Variants in DLGAP1 observed in about 807,000 individuals in gnomAD.
The protein encoded by DLGAP1 is disks large-associated protein 1.
Under a neutral mutation model 90.8 loss-of-function variants are expected in DLGAP1, and 11 were observed. That is an observed-to-expected ratio of 0.12 (90% CI 0.08 to 0.20). The LOEUF (loss-of-function observed/expected upper bound fraction) is 0.20, where lower values mean the gene tolerates loss of function less well. Ranked by LOEUF, DLGAP1 falls within the 10% of genes least tolerant of loss-of-function variation. The pLI is 1.00. For missense variants in DLGAP1, 1,050 were observed against 1,333.8 expected (o/e 0.79, Z 3.31); for synonymous variants, 558 against 540.7 (o/e 1.03, Z -0.44).
chr18:3,689,295 CA>C (rs2060812212), intron 7 of DLGAP1, among the ~76,000 whole-genome samples: 1 of 152,142 alleles, frequency 6.6e-6, no homozygotes, highest in Non-Finnish European at 1.5e-5. Context: ...CAAACCTTTT[CA>C]TCAGCTAGAG....
rs149749182 is a variant in DLGAP1, at chr18:3,500,178, A to G, written c.2725-784T>C. On this transcript the variant is annotated intron_variant, in intron 12 of 12. Transcript: ENST00000315677. Reference sequence around the variant, plus strand: ...CCATGAAAAGTTGACACAGGATGAAAGAGGTCATTCCTCTTATCAGCAGCA... The same window carrying G: ...CCATGAAAAGTTGACACAGGATGAAGGAGGTCATTCCTCTTATCAGCAGCA... 1.8e-3 allele frequency among the ~76,000 whole-genome samples: 269 copies of G among 152,308 alleles called. 1 individual carries two copies. The highest frequency in any genetic ancestry group is 6.3e-3 in the African/African-American group (263 of 41,568).
At chr18:4,347,434 A>G (rs976939004) in intron 1 of DLGAP1, among the ~76,000 whole-genome samples, 2 of 152,110 alleles carry the variant, frequency 1.3e-5, no homozygotes, top group African/African-American at 4.8e-5. Context: ...ATGAATATCA[A>G]TGCAAAAGTA....
At chr18:3,828,079 G>A (rs1254819121) in intron 4 of DLGAP1, among the ~76,000 whole-genome samples, 1 of 152,168 alleles carries the variant, frequency 6.6e-6, no homozygotes, top group African/African-American at 2.4e-5. Flanking sequence ...TGTACTGATT[G>A]TAGTCGTGTA....
chr18:3,834,067 G>A (rs1014909339), intron 4 of DLGAP1, among the ~76,000 whole-genome samples: 2 of 152,112 alleles, frequency 1.3e-5, no homozygotes, highest in African/African-American at 4.8e-5. Context: ...AGCACTTTGG[G>A]AGGCCGAGGC....
At chr18:4,412,528 C>T (rs1022211110) in intron 1 of DLGAP1, among the ~76,000 whole-genome samples, 3 of 152,150 alleles carry the variant, frequency 2.0e-5, no homozygotes, top group African/African-American at 7.2e-5. Context: ...GTGGCACCTG[C>T]CCAACATGCA....
At position 3,656,307 on chromosome 18, in the gene DLGAP1, T is replaced by C. The variant is rs1409694916; in HGVS notation, c.1591+72828A>G. Reference sequence around the variant, plus strand: ...ACTAGGTCTCATGGATGTCTTCTTTTCCCCCACTAAAACCATTTGGGGAAA... The same window carrying C: ...ACTAGGTCTCATGGATGTCTTCTTTCCCCCCACTAAAACCATTTGGGGAAA... On this transcript the variant is annotated intron_variant, in intron 7 of 12. Coordinates refer to ENST00000315677, the MANE Select transcript of DLGAP1 (RefSeq NM_004746.4). 7 of 491,350 alleles carry C rather than the reference T, an allele frequency of 1.4e-5. No individual in the cohort carries two copies. In the East Asian group the frequency reaches 2.3e-4, roughly 16 times the overall value. 30.4% of individuals were successfully genotyped at this position (491,350 alleles called of 1,614,324 possible).
At position 4,099,290 on chromosome 18, in the gene DLGAP1, G is replaced by A. The variant is rs12965145; in HGVS notation, c.-159+51890C>T. On this transcript the variant is annotated intron_variant, in intron 2 of 12. Transcript: ENST00000315677. ...TGTCTGTCTATCTATCTATCTATCT[G>A]TCTATCATCTATCTATCTATCTATC... 4.7e-4 allele frequency among the ~76,000 whole-genome samples: 69 copies of A among 145,682 alleles called. No individual in the cohort carries two copies. In the South Asian group the frequency reaches 7.1e-3, roughly 15 times the overall value.
At chr18:4,398,836 GTT>G (rs2082492487) in intron 1 of DLGAP1, among the ~76,000 whole-genome samples, 1 of 151,874 alleles carries the variant, frequency 6.6e-6, no homozygotes, top group Non-Finnish European at 1.5e-5. Context: ...CCGTTTTTTT[GTT>G]TTGCTTTTTT....
intron 3 of DLGAP1, among the ~76,000 whole-genome samples, chr18:3,917,152 C>T (rs1012748596): frequency 3.3e-5 from 5 of 152,296 alleles, no homozygotes; most frequent in East Asian, 1.9e-4. Flanking sequence ...GGCTAAGCTA[C>T]GGTGTTTGGT....
chr18:4,283,157 G>T (rs2079594669), intron 1 of DLGAP1, among the ~76,000 whole-genome samples: 1 of 152,164 alleles, frequency 6.6e-6, no homozygotes, highest in Non-Finnish European at 1.5e-5. Context: ...ATGCAACAAA[G>T]AATGTAATAA....
At chr18:4,094,607 C>CTTTTTTTTT (rs35060422) in intron 2 of DLGAP1, among the ~76,000 whole-genome samples, 24 of 124,824 alleles carry the variant, frequency 1.9e-4, no homozygotes, top group East Asian at 2.2e-4. Context: ...CTTTCTCTTT[C>CTTTTTTTTT]TTTTTTTTTT....
At chr18:4,116,287 T>C (rs957357451) in intron 2 of DLGAP1, among the ~76,000 whole-genome samples, 2 of 152,236 alleles carry the variant, frequency 1.3e-5, no homozygotes, top group African/African-American at 4.8e-5. Context: ...TGCTGTTTTC[T>C]CCTTCTACAT....
chr18:3,740,967 AC>A (rs1417924298), intron 6 of DLGAP1, among the ~76,000 whole-genome samples: 29 of 112,162 alleles, frequency 2.6e-4, no homozygotes, highest in Admixed American at 4.7e-4. Context: ...CACCACCACC[AC>A]CATCACATCA....
intron 7 of DLGAP1, 118 bp from the exon 8 acceptor site, chr18:3,582,366 A>T (rs1171240529): frequency 6.8e-7 from 1 of 1,466,586 alleles, no homozygotes; most frequent in Non-Finnish European, 9.1e-7. Flanking sequence ...ATTTAACAGG[A>T]AAACAAGTTC....
chr18:3,600,809 G>GATATATATAGATATAT (rs1568278295), intron 7 of DLGAP1, among the ~76,000 whole-genome samples: 1 of 47,546 alleles, frequency 2.1e-5, no homozygotes, highest in African/African-American at 1.4e-4. Flanking sequence ...TAGATATATA[G>GATATATATAGATATAT]ATATATATAG....
At chr18:4,032,391 T>C (rs1381631389) in intron 2 of DLGAP1, among the ~76,000 whole-genome samples, 1 of 152,172 alleles carries the variant, frequency 6.6e-6, no homozygotes, top group Non-Finnish European at 1.5e-5. Flanking sequence ...AACAGTGCAT[T>C]AAGCACACAG....
At chr18:4,108,851 C>T (rs186772941) in intron 2 of DLGAP1, among the ~76,000 whole-genome samples, 9 of 152,262 alleles carry the variant, frequency 5.9e-5, no homozygotes, top group African/African-American at 2.2e-4. Flanking sequence ...AGGGCTCAGG[C>T]ACACTTAGGA....
At chr18:4,415,751 TC>T (rs1489167316) in intron 1 of DLGAP1, among the ~76,000 whole-genome samples, 2 of 152,134 alleles carry the variant, frequency 1.3e-5, no homozygotes, top group African/African-American at 4.8e-5. Context: ...AGTGTTTTCA[TC>T]TATAAAATGG....
intron 3 of DLGAP1, among the ~76,000 whole-genome samples, chr18:3,900,287 T>C (rs2071752242): frequency 6.6e-6 from 1 of 152,246 alleles, no homozygotes; most frequent in Admixed American, 6.5e-5. Flanking sequence ...ATGACAATTC[T>C]GTCTGCCCTG....
Sources: allele counts gnomAD v4.1 joint callset (sites outside exome capture counted in the v4.1 genomes callset), GRCh38; gene constraint gnomAD v4.1.1; transcripts MANE v1.5; gene names NCBI Gene and HGNC (gene_info 2026-07-23, HGNC 2026-07-21).